The following DGCR2 variants were observed in gnomAD, a reference collection of about 807,000 sequenced individuals.
DGCR2 encodes integral membrane protein DGCR2/IDD.
DGCR2 carries 24 observed loss-of-function variants against 51.6 expected under a neutral mutation model. That is an observed-to-expected ratio of 0.47 (90% CI 0.34 to 0.65). The LOEUF (loss-of-function observed/expected upper bound fraction) is 0.65. DGCR2 is among the 30% of genes least tolerant of loss of function. DGCR2 has a pLI of 0.01. For synonymous variants in DGCR2, 340 were observed against 315.4 expected, an observed-to-expected ratio of 1.08 and a Z score of -0.82; for missense variants, 765 against 772.1, an observed-to-expected ratio of 0.99 and a Z score of 0.11.
intron 5 of DGCR2, among the ~76,000 whole-genome samples, chr22:19,059,387 G>A (rs568892335): frequency 6.6e-6 from 1 of 152,194 alleles, no homozygotes; most frequent in Admixed American, 6.5e-5. Context: ...GGAGCCTGGA[G>A]GCTTCCCGAT....
At chr22:19,054,072 A>G (rs1371568724) in intron 6 of DGCR2, among the ~76,000 whole-genome samples, 1 of 152,258 alleles carries the variant, frequency 6.6e-6, no homozygotes, top group Non-Finnish European at 1.5e-5. Context: ...CAATGAAAAA[A>G]ATAGCTATAA....
intron 2 of DGCR2, among the ~76,000 whole-genome samples, chr22:19,086,576 T>C (rs750934623): frequency 6.6e-6 from 1 of 152,008 alleles, no homozygotes; most frequent in Non-Finnish European, 1.5e-5. Flanking sequence ...AGAAGCAGGG[T>C]GAGCCTTGTC....
At chr22:19,087,520 G>A (rs1451203246) in intron 2 of DGCR2, among the ~76,000 whole-genome samples, 1 of 152,154 alleles carries the variant, frequency 6.6e-6, no homozygotes, top group Non-Finnish European at 1.5e-5. Flanking sequence ...TGGGATTACA[G>A]GTGCTCGCCA....
chr22:19,106,916 A>G (rs1428467726), intron 1 of DGCR2, among the ~76,000 whole-genome samples: 4 of 151,832 alleles, frequency 2.6e-5, no homozygotes, highest in African/African-American at 9.7e-5. Flanking sequence ...CAGTCAGCAG[A>G]GCCTCTGGGG....
Position 19,065,001 on chromosome 22 carries a change from T to C in DGCR2, c.395A>G (p.Tyr132Cys), listed in dbSNP as rs769052667. The change falls in exon 4 of 10, where the codon TAC becomes TGC. Residue 132 changes from tyrosine to cysteine, a missense_variant. Transcript: ENST00000263196. Reference protein sequence around the residue: ...YEGTASCYRVYLSGENYWDAA... With the variant: ...YEGTASCYRVCLSGENYWDAA... ...ATCCCAGTAGTTCTCCCCGCTCAGG[T>C]AGACCCGGTAGCAGCTGGCCGTGCC... The C allele has an allele frequency of 6.2e-6, 10 of 1,614,044 alleles. No individual in the cohort carries two copies. Among genetic ancestry groups the C allele is most frequent in the South Asian group, 4.4e-5 (4 of 91,088 alleles).
chr22:19,046,577 TTAG>T, intron 7 of DGCR2: 1 of 191,918 alleles, frequency 5.2e-6, no homozygotes, highest in Non-Finnish European at 1.2e-5. Context: ...GTAGACACTC[TTAG>T]CTTGTTGGAG....
At chr22:19,045,515 G>T (rs990924533) in intron 7 of DGCR2, 1 of 152,218 alleles carries the variant, frequency 6.6e-6, no homozygotes, top group African/African-American at 2.4e-5. Context: ...ACATTAGGTG[G>T]CATGGATCCT....
intron 7 of DGCR2, among the ~76,000 whole-genome samples, chr22:19,042,506 T>C (rs2082443887): frequency 6.6e-6 from 1 of 152,184 alleles, no homozygotes; most frequent in South Asian, 2.1e-4. Context: ...GAGGCCAGGG[T>C]TGGCCAGGTA....
rs1256861006 is a variant in DGCR2, at chr22:19,036,454, G to C, written c.*2411C>G. 1 of 152,492 alleles carries C rather than the reference G, an allele frequency of 6.6e-6. No individual in the cohort carries two copies. The allele number at this position is 152,492 out of a possible 1,614,324, so 9.4% of individuals were successfully genotyped here. A position where few individuals can be genotyped will look rare whatever the true frequency, so the allele number is the denominator to read the frequency against. On this transcript the variant is annotated 3_prime_UTR_variant, in exon 10 of 10. Transcript: ENST00000263196. ...TCCCACCTCCGCATGGCAGGTCAGAGGGCACCTGGGCTCTGAGAAACCGTG... is the reference window on the plus strand; with the variant it reads ...TCCCACCTCCGCATGGCAGGTCAGACGGCACCTGGGCTCTGAGAAACCGTG...
chr22:19,102,701 CAAAA>C (rs560913993), intron 1 of DGCR2, among the ~76,000 whole-genome samples: 1 of 132,234 alleles, frequency 7.6e-6, no homozygotes, highest in Non-Finnish European at 1.6e-5. Context: ...GACTCCGTCT[CAAAA>C]AAAAAAAGGT....
chr22:19,044,686 A>C (rs2082469406), intron 7 of DGCR2, among the ~76,000 whole-genome samples: 1 of 152,258 alleles, frequency 6.6e-6, no homozygotes, highest in African/African-American at 2.4e-5. Flanking sequence ...CCTTTCGAGC[A>C]GGGGTGGTAC....
At chr22:19,108,634 T>TA (rs987172543) in intron 1 of DGCR2, among the ~76,000 whole-genome samples, 1 of 108,286 alleles carries the variant, frequency 9.2e-6, no homozygotes, top group African/African-American at 3.2e-5. Context: ...CAGAATAGAA[T>TA]ACAGATCTCA....
At chr22:19,115,545 G>A (rs952346552) in intron 1 of DGCR2, among the ~76,000 whole-genome samples, 1 of 152,232 alleles carries the variant, frequency 6.6e-6, no homozygotes, top group East Asian at 1.9e-4. Flanking sequence ...ACCAGAGGCA[G>A]CTGCAAGGCC....
chr22:19,117,709 G>A (rs1601319874), intron 1 of DGCR2, among the ~76,000 whole-genome samples: 1 of 152,226 alleles, frequency 6.6e-6, no homozygotes, highest in East Asian at 1.9e-4. Flanking sequence ...GGTGTTCTCT[G>A]CACTCACTTT....
rs1245088735 is a variant in DGCR2, at chr22:19,081,987, TA to T, written c.202+7380del. Among the ~76,000 whole-genome samples, 8 of 152,210 alleles carry T rather than the reference TA, an allele frequency of 5.3e-5. No homozygotes were observed. In the Middle Eastern group the frequency reaches 0.01, roughly 194 times the overall value. ...TAGAATCCTTATCCTTTACAGGCTG[TA>T]AGTGTTGCAAATATCTTCTCTCTAC... On this transcript the variant is annotated intron_variant, in intron 2 of 9. Transcript: ENST00000263196.
intron 6 of DGCR2, among the ~76,000 whole-genome samples, chr22:19,054,074 T>A (rs1309189311): frequency 6.6e-6 from 1 of 152,104 alleles, no homozygotes; most frequent in Non-Finnish European, 1.5e-5. Flanking sequence ...ATGAAAAAAA[T>A]AGCTATAAAG....
chr22:19,062,370 T>C (rs967415320), intron 5 of DGCR2, among the ~76,000 whole-genome samples: 2 of 152,094 alleles, frequency 1.3e-5, no homozygotes, highest in Admixed American at 6.5e-5. Context: ...GGGGCCCTCT[T>C]TTCTCCAGGG....
chr22:19,116,974 C>T (rs989417271), intron 1 of DGCR2, among the ~76,000 whole-genome samples: 1 of 149,448 alleles, frequency 6.7e-6, no homozygotes, highest in Non-Finnish European at 1.5e-5. Flanking sequence ...CATCACCTCC[C>T]ATCACTGCTA....
chr22:19,062,774 T>TTTTTTCTCTCTCTCTCTCTCTCTC (rs1569052709), intron 5 of DGCR2, among the ~76,000 whole-genome samples: 2 of 113,872 alleles, frequency 1.8e-5, no homozygotes, highest in Non-Finnish European at 1.9e-5. Flanking sequence ...CACACATGCA[T>TTTTTTCTCTCTCTCTCTCTCTCTC]GCTCACTCTC....
Sources: gnomAD v4.1 joint callset for allele counts (sites outside exome capture counted in the v4.1 genomes callset) on GRCh38, gnomAD v4.1.1 for gene constraint, MANE v1.5 for transcripts, NCBI Gene and HGNC (gene_info 2026-07-23, HGNC 2026-07-21) for gene names.